Variants in ASB14 observed in about 807,000 individuals in gnomAD.
ASB14 encodes the protein ankyrin repeat and SOCS box protein 14.
ASB14 carries 63 observed loss-of-function variants against 55.6 expected under a neutral mutation model. The observed-to-expected ratio is 1.13, with a 90% CI of 0.92 to 1.40. The LOEUF (loss-of-function observed/expected upper bound fraction) is 1.40. Among genes scored for constraint, ASB14 ranks in the 40% most tolerant of loss-of-function variants. ASB14 has a pLI of 0.00. For synonymous variants in ASB14, 256 were observed against 259.9 expected (o/e 0.98, Z 0.15); for missense variants, 724 against 710.4 (o/e 1.02, Z -0.22).
rs572812334 is a variant in ASB14 at position 57,281,326 on chromosome 3, AGGGCTGGGGTTGTAAGGG to A, written c.716-871_716-854del. Among the ~76,000 whole-genome samples, 35 of 147,324 alleles carry A rather than the reference AGGGCTGGGGTTGTAAGGG, an allele frequency of 2.4e-4. No homozygotes were observed. The East Asian group carries it at 3.2e-3, about 13-fold the overall frequency. On this transcript the variant is annotated intron_variant, in intron 6 of 10. Coordinates refer to ENST00000487349, the MANE Select transcript of ASB14 (RefSeq NM_001142733.3). ...AGGCAAAAGGTCTTCTAGAAGATCT[AGGGCTGGGGTTGTAAGGG>A]GGGCTGGGGTTGTAAGGGGAGCTGG...
intron 2 of ASB14, 88 bp downstream of exon 2, chr3:57,291,818 CTGTTTT>C (rs1184773253): frequency 9.0e-7 from 1 of 1,111,498 alleles, no homozygotes; most frequent in Admixed American, 2.9e-5. Context: ...TCTGACCCTC[CTGTTTT>C]TGTCACAACA....
chr3:57,283,017 A>T (rs1215144014), intron 6 of ASB14, 177 bp downstream of exon 6: 2 of 486,102 alleles, frequency 4.1e-6, no homozygotes, highest in Non-Finnish European at 5.3e-6. Flanking sequence ...CAGACCTAAT[A>T]AAAAATTCAG....
At chr3:57,289,392 C>T (rs1021891705) in intron 2 of ASB14, among the ~76,000 whole-genome samples, 3 of 152,188 alleles carry the variant, frequency 2.0e-5, no homozygotes, top group Admixed American at 6.5e-5. Flanking sequence ...GCCTGGATTG[C>T]AGTAGGCCCT....
In ASB14 at chr3:57,269,450, A is replaced by AGAAGT; in HGVS notation, c.*186_*190dup. 7.4e-7 allele frequency: 1 copy of AGAAGT among 1,347,614 alleles called. No individual in the cohort carries two copies. Among genetic ancestry groups the AGAAGT allele is most frequent in the South Asian group, 1.5e-5 (1 of 67,786 alleles). 83.5% of individuals were successfully genotyped at this position (1,347,614 alleles called of 1,614,324 possible). A position where few individuals can be genotyped will look rare whatever the true frequency, so the allele number is the denominator to read the frequency against. On this transcript the variant is annotated 3_prime_UTR_variant, in exon 11 of 11. Transcript: ENST00000487349. ...AGTATGCATACATATTTATGACAGA[A>AGAAGT]GAAGTGGCTCTCAAGAATGTATCTT...
In ASB14 at chr3:57,278,869, A is replaced by C. The variant is rs904875972; in HGVS notation, c.939T>G (p.Ser313Arg). Residue 313 changes from serine (S) to arginine (R), a missense_variant, in exon 8 of 11, where the codon AGT becomes AGG. Ser to Arg is a moderately radical substitution (Grantham distance 110, BLOSUM62 -1). Transcript: ENST00000487349. ...PVTDLAAIKQ[S>R]GISPVHCAAA... ...CTGCACAGTGAACTGGACTGATCCC[A>C]CTCTGCTTAATGGCAGCAAGATCCG... is the stretch of plus-strand genomic sequence containing the variant. The C allele has an allele frequency of 8.1e-6, 13 of 1,613,592 alleles. No individual in the cohort carries two copies. In the East Asian group the frequency reaches 2.5e-4, roughly 30 times the overall value.
chr3:57,269,450 A>ATAATT lies in ASB14; in HGVS notation c.*190_*191insAATTA. Reference sequence around the variant, plus strand: ...AGTATGCATACATATTTATGACAGAAGAAGTGGCTCTCAAGAATGTATCTT... The same window carrying ATAATT: ...AGTATGCATACATATTTATGACAGAATAATTGAAGTGGCTCTCAAGAATGTATCTT... On this transcript the variant is annotated 3_prime_UTR_variant, in exon 11 of 11. Coordinates refer to ENST00000487349, the MANE Select transcript of ASB14 (RefSeq NM_001142733.3). The ATAATT allele has an allele frequency of 1.5e-6, 2 of 1,347,614 alleles. No individual in the cohort carries two copies. The highest frequency in any genetic ancestry group is 2.0e-6 in the Non-Finnish European group (2 of 979,786). 83.5% of individuals were successfully genotyped at this position (1,347,614 alleles called of 1,614,324 possible). A position where few individuals can be genotyped will look rare whatever the true frequency, so the allele number is the denominator to read the frequency against.
At position 57,276,522 on chromosome 3, in the gene ASB14, T is replaced by G. The variant is rs184614052; in HGVS notation, c.*22+6A>C. On this transcript the variant is annotated splice_donor_region_variant and intron_variant, in intron 10 of 10. Transcript: ENST00000487349. ...AATTTTAAGGAATACAGCTGCAAAA[T>G]TATACCTTTTCCATTAGAATGGTTT... 9.3e-3 allele frequency: 14,688 copies of G among 1,572,012 alleles called. 92 individuals are homozygous for G. Among genetic ancestry groups the G allele is most frequent in the Non-Finnish European group, 0.011 (13,097 of 1,152,548 alleles).
intron 10 of ASB14, chr3:57,273,375 TA>T (rs1198108960): frequency 6.6e-6 from 1 of 152,624 alleles, no homozygotes; most frequent in Non-Finnish European, 1.5e-5. Flanking sequence ...TTTGTCACAA[TA>T]GGTATATACT....
intron 2 of ASB14, among the ~76,000 whole-genome samples, chr3:57,291,096 T>C (rs1476646704): frequency 6.6e-6 from 1 of 152,236 alleles, no homozygotes; most frequent in Non-Finnish European, 1.5e-5. Context: ...TAAAAGTTAG[T>C]ATTTATGAAG....
chr3:57,283,640 T>C (rs1435878998), intron 5 of ASB14, among the ~76,000 whole-genome samples: 2 of 152,230 alleles, frequency 1.3e-5, no homozygotes, highest in Non-Finnish European at 2.9e-5. Flanking sequence ...CAATGGACTA[T>C]GTTTTTCTGT....
intron 2 of ASB14, among the ~76,000 whole-genome samples, chr3:57,291,649 TCTTTC>T (rs1464146413): frequency 8.9e-6 from 1 of 112,504 alleles, no homozygotes; most frequent in East Asian, 8.3e-4. Context: ...TATCCTCCTT[TCTTTC>T]TTCTGATTTC....
At chr3:57,276,404 G>T in intron 10 of ASB14, 124 bp downstream of exon 10, 1 of 666,526 alleles carries the variant, frequency 1.5e-6, no homozygotes, top group Non-Finnish European at 2.4e-6. Context: ...TCCTGCCTCA[G>T]CCTCCCAAGC....
At chr3:57,277,975 TG>T in intron 8 of ASB14, 55 bp from the exon 9 acceptor site, 1 of 1,495,456 alleles carries the variant, frequency 6.7e-7, no homozygotes, top group Admixed American at 1.9e-5. Context: ...AAAGTATCTA[TG>T]GTTTAGCATA....
In ASB14 at chr3:57,269,035, C is replaced by T. The variant is rs1453753536; in HGVS notation, c.*606G>A. 1.3e-5 allele frequency: 2 copies of T among 154,972 alleles called. No individual in the cohort carries two copies. Among genetic ancestry groups the T allele is most frequent in the African/African-American group, 2.4e-5 (1 of 41,418 alleles). The allele number at this position is 154,972 out of a possible 1,614,324, so 9.6% of individuals were successfully genotyped here. A position where few individuals can be genotyped will look rare whatever the true frequency, so the allele number is the denominator to read the frequency against. Reference sequence around the variant, plus strand: ...TAGAAAAGAGGAGACAGCTGGGATGCTTAGAACAGATCAATAAGCATTGGC... The same window carrying T: ...TAGAAAAGAGGAGACAGCTGGGATGTTTAGAACAGATCAATAAGCATTGGC... On this transcript the variant is annotated 3_prime_UTR_variant, in exon 11 of 11. Transcript: ENST00000487349.
intron 8 of ASB14, 35 bp downstream of exon 8, chr3:57,278,342 A>T (rs1331165548): frequency 2.0e-6 from 3 of 1,533,166 alleles, no homozygotes; most frequent in Non-Finnish European, 2.7e-6. Context: ...ACAAATAATG[A>T]CTGTAAGGGA....
At position 57,280,379 on chromosome 3, in the gene ASB14, C is replaced by T. The variant is rs1444429231; in HGVS notation, c.810G>A (p.Glu270=). 2.6e-6 allele frequency: 4 copies of T among 1,551,550 alleles called. No homozygotes were observed. Among genetic ancestry groups the T allele is most frequent in the Admixed American group, 2.0e-5 (1 of 50,988 alleles). The change falls in exon 7 of 11, where the codon GAG becomes GAA. Residue 270 remains glutamate, a synonymous_variant. Coordinates refer to ENST00000487349, the MANE Select transcript of ASB14 (RefSeq NM_001142733.3). ...TAGGGATGTTGGCATCAGCTCCATA[C>T]TCCAGCAAGAGAGCCACAGCATCTG... ...GNPDAVALLL[E]YGADANIPKN...
intron 2 of ASB14, among the ~76,000 whole-genome samples, chr3:57,289,687 CTTTTT>C (rs34419265): frequency 1.1e-4 from 11 of 100,290 alleles, no homozygotes; most frequent in Admixed American, 7.2e-4. Context: ...ACCTTCCATT[CTTTTT>C]TTTTTTTTTT....
intron 5 of ASB14, 55 bp downstream of exon 5, chr3:57,287,846 G>C: frequency 6.6e-7 from 1 of 1,507,606 alleles, no homozygotes; most frequent in Non-Finnish European, 8.9e-7. Flanking sequence ...GAAACCTGGG[G>C]GCATGAAGGA....
intron 1 of ASB14, among the ~76,000 whole-genome samples, 153 bp downstream of exon 1, chr3:57,292,478 CAT>C (rs145341387): frequency 3.1e-4 from 47 of 152,220 alleles, no homozygotes; most frequent in African/African-American, 1.1e-3. Flanking sequence ...TAAAAATAAA[CAT>C]GTTATAGGAA....
Sources: allele counts gnomAD v4.1 joint callset (sites outside exome capture counted in the v4.1 genomes callset), GRCh38; gene constraint gnomAD v4.1.1; transcripts MANE v1.5; gene names NCBI Gene and HGNC (gene_info 2026-07-23, HGNC 2026-07-21).